BMPR1A: variants seen among roughly 807,000 people sequenced by gnomAD.
The protein encoded by BMPR1A is bone morphogenetic protein receptor type 1A.
Under a neutral mutation model 66.0 loss-of-function variants are expected in BMPR1A, and 7 were observed. The ratio of observed to expected loss-of-function variants is 0.11; its 90% confidence interval spans 0.06 to 0.20. BMPR1A has a LOEUF of 0.20. Ranked by LOEUF, BMPR1A falls within the 10% of genes least tolerant of loss-of-function variation. The pLI is 1.00. For missense variants in BMPR1A, 408 were observed against 669.1 expected (o/e 0.61, Z 4.31); for synonymous variants, 200 against 229.7 (o/e 0.87, Z 1.17).
intron 4 of BMPR1A, 87 bp downstream of exon 4, chr10:86,890,311 G>T (rs1027452092): frequency 6.0e-6 from 9 of 1,496,860 alleles, no homozygotes; most frequent in Middle Eastern, 1.8e-4. Flanking sequence ...CTTGTCTGCG[G>T]TTTTTTTTTC....
chr10:86,778,450 A>G (rs978402763), intron 1 of BMPR1A, among the ~76,000 whole-genome samples: 9 of 151,912 alleles, frequency 5.9e-5, no homozygotes, highest in African/African-American at 2.2e-4. Context: ...CCCTGCCGCT[A>G]GTGTATTTTA....
At chr10:86,886,941 C>G (rs559434813) in intron 3 of BMPR1A, among the ~76,000 whole-genome samples, 1 of 149,780 alleles carries the variant, frequency 6.7e-6, no homozygotes, top group Admixed American at 6.8e-5. Context: ...AGTGATTGTC[C>G]TGCCTCAGCC....
intron 1 of BMPR1A, among the ~76,000 whole-genome samples, chr10:86,833,115 G>C (rs1308902177): frequency 6.6e-6 from 1 of 151,882 alleles, no homozygotes; most frequent in Non-Finnish European, 1.5e-5. Context: ...ACCTCTAAAA[G>C]AACAAAGAAA....
intron 7 of BMPR1A, among the ~76,000 whole-genome samples, chr10:86,911,460 A>G (rs566139076): frequency 6.6e-6 from 1 of 152,326 alleles, no homozygotes; most frequent in Non-Finnish European, 1.5e-5. Context: ...AAACACAAAT[A>G]GATTGATCAG....
In BMPR1A at chr10:86,923,437, A is replaced by T. The variant is rs1843695825; in HGVS notation, c.1404A>T (p.Glu468Asp). The change falls in exon 12 of 13, where the codon GAA (glutamate) becomes GAT (aspartate). Residue 468 changes from glutamate (E) to aspartate (D), a missense_variant. Around this residue, in one of 5 missense-constraint regions of BMPR1A, gnomAD observed 130 missense variants for 257.3 expected, o/e 0.51. Coordinates refer to ENST00000372037, the MANE Select transcript of BMPR1A (RefSeq NM_004329.3). ...YNMVPSDPSY[E>D]DMREVVCVKR... is the part of the protein sequence containing the mutation. ...TGGTACCGAGTGATCCGTCATACGA[A>T]GATATGCGTGAGGTTGTGTGTGTCA... is the stretch of plus-strand genomic sequence containing the variant. 1 of 1,614,226 alleles carries T rather than the reference A, an allele frequency of 6.2e-7. No individual in the cohort carries two copies. Among genetic ancestry groups the T allele is most frequent in the Non-Finnish European group, 8.5e-7 (1 of 1,180,044 alleles).
chr10:86,841,018 T>G (rs1842418788), intron 2 of BMPR1A, among the ~76,000 whole-genome samples: 1 of 152,228 alleles, frequency 6.6e-6, no homozygotes, highest in Non-Finnish European at 1.5e-5. Context: ...TCTTAAGAGA[T>G]AATTTTGCTT....
At chr10:86,830,801 T>C (rs1187140755) in intron 1 of BMPR1A, among the ~76,000 whole-genome samples, 1 of 152,216 alleles carries the variant, frequency 6.6e-6, no homozygotes, top group Non-Finnish European at 1.5e-5. Context: ...ACAGGTCTTT[T>C]GTAGAGCAAA....
At chr10:86,898,645 G>C (rs1843264023) in intron 5 of BMPR1A, among the ~76,000 whole-genome samples, 1 of 152,114 alleles carries the variant, frequency 6.6e-6, no homozygotes, top group African/African-American at 2.4e-5. Context: ...CTGTTGCTTG[G>C]AGAAACCCCA....
At chr10:86,877,331 C>G (rs914101682) in intron 3 of BMPR1A, among the ~76,000 whole-genome samples, 1 of 151,918 alleles carries the variant, frequency 6.6e-6, no homozygotes, top group Non-Finnish European at 1.5e-5. Context: ...CCTCAGCCTC[C>G]CGAGTAGCTG....
In BMPR1A at chr10:86,917,149, G is replaced by A. The variant is rs1161175030; in HGVS notation, c.691G>A (p.Ala231Thr). ...TTCTATAAAGGTTCAGCGAACTATT[G>A]CCAAACAGATTCAGATGGTCCGGCA... ...GLPLLVQRTI[A>T]KQIQMVRQVG... Residue 231 changes from alanine to threonine, a missense_variant, in exon 9 of 13, where the codon GCC (alanine) becomes ACC (threonine). Physicochemically the swap from Ala to Thr is moderately conservative, Grantham distance 58. This residue lies in a region of BMPR1A where 174 missense variants were observed against 265.1 expected (regional missense o/e 0.66). Transcript: ENST00000372037. The A allele has an allele frequency of 6.2e-7, 1 of 1,613,980 alleles. No homozygotes were observed. Among genetic ancestry groups the A allele is most frequent in the Non-Finnish European group, 8.5e-7 (1 of 1,179,970 alleles).
At chr10:86,890,869 G>A (rs116980028) in intron 4 of BMPR1A, among the ~76,000 whole-genome samples, 326 of 152,216 alleles carry the variant, frequency 2.1e-3, no homozygotes, top group Non-Finnish European at 2.7e-3. Context: ...TTTTTCTAGT[G>A]TATTTCGTGT....
chr10:86,845,480 G>A (rs1185307292), intron 2 of BMPR1A, among the ~76,000 whole-genome samples: 1 of 152,190 alleles, frequency 6.6e-6, no homozygotes, highest in African/African-American at 2.4e-5. Flanking sequence ...GGTTTGCAAA[G>A]TCTCCGAGGA....
chr10:86,785,430 C>T (rs1040175955), intron 1 of BMPR1A, among the ~76,000 whole-genome samples: 24 of 152,152 alleles, frequency 1.6e-4, no homozygotes, highest in Admixed American at 1.3e-3. Flanking sequence ...CTCACCTTCC[C>T]GAGTAGCTGG....
chr10:86,789,825 A>G (rs568829190), intron 1 of BMPR1A, among the ~76,000 whole-genome samples: 145 of 152,046 alleles, frequency 9.5e-4, no homozygotes, highest in Non-Finnish European at 1.7e-3. Context: ...ACAAATGGCT[A>G]CATAAGCTCA....
chr10:86,791,132 A>G lies in BMPR1A; in HGVS notation c.-268+34213A>G, dbSNP rs12220013. Among the ~76,000 whole-genome samples the G allele has an allele frequency of 5.3e-5, 8 of 152,260 alleles. No individual in the cohort carries two copies. In the East Asian group the frequency reaches 5.8e-4, roughly 11 times the overall value. Reference sequence around the variant, plus strand: ...ATTTTCAACAGATAACTCAGAAGAAATTTTAAAAGTCATGTGACCCAACTG... The same window carrying G: ...ATTTTCAACAGATAACTCAGAAGAAGTTTTAAAAGTCATGTGACCCAACTG... On this transcript the variant is annotated intron_variant, in intron 1 of 12. Coordinates refer to ENST00000372037, the MANE Select transcript of BMPR1A (RefSeq NM_004329.3).
chr10:86,793,266 G>A (rs911958478), intron 1 of BMPR1A, among the ~76,000 whole-genome samples: 3 of 152,022 alleles, frequency 2.0e-5, no homozygotes, highest in Non-Finnish European at 4.4e-5. Flanking sequence ...ATATCATTAA[G>A]CAGTAAGATC....
intron 1 of BMPR1A, among the ~76,000 whole-genome samples, chr10:86,790,173 AAAAAAAAAAAAAAAAATATATAT>A (rs1247034195): frequency 3.4e-4 from 13 of 37,876 alleles, no homozygotes; most frequent in African/African-American, 6.0e-4. Flanking sequence ...AAAAAAAAAA[AAAAAAAAAAAAAAAAATATATAT>A]ATATATATAT....
chr10:86,832,624 G>T (rs941389887), intron 1 of BMPR1A, among the ~76,000 whole-genome samples: 1 of 152,060 alleles, frequency 6.6e-6, no homozygotes, highest in Non-Finnish European at 1.5e-5. Flanking sequence ...CTTATTTTCT[G>T]TCTCTAAATT....
At chr10:86,766,183 G>GA (rs971184502) in intron 1 of BMPR1A, among the ~76,000 whole-genome samples, 1 of 151,930 alleles carries the variant, frequency 6.6e-6, no homozygotes, top group African/African-American at 2.4e-5. Flanking sequence ...GTGGAGGTGG[G>GA]ATCTCACCAT....
Sources: gnomAD v4.1 joint callset for allele counts (sites outside exome capture counted in the v4.1 genomes callset) on GRCh38, gnomAD v4.1.1 for gene constraint, gnomAD v4.1.1 regional missense constraint, MANE v1.5 for transcripts, NCBI Gene and HGNC (gene_info 2026-07-23, HGNC 2026-07-21) for gene names.